Variants in SPATA16 observed in about 807,000 individuals in gnomAD.
SPATA16 encodes spermatogenesis associated 16, also known as spermatogenesis-associated protein 16.
Under a neutral mutation model 63.3 loss-of-function variants are expected in SPATA16, and 36 were observed. The ratio of observed to expected loss-of-function variants is 0.57; its 90% CI spans 0.44 to 0.75. SPATA16 has a LOEUF of 0.75. Among genes scored for constraint, SPATA16 ranks in the 30% least tolerant of loss-of-function variants. SPATA16 has a pLI of 0.00. For missense variants in SPATA16, 646 were observed against 679.3 expected (o/e 0.95, Z 0.54); for synonymous variants, 203 against 216.7 (o/e 0.94, Z 0.56).
At chr3:173,029,377 T>G (rs1169947447) in intron 3 of SPATA16, among the ~76,000 whole-genome samples, 1 of 151,930 alleles carries the variant, frequency 6.6e-6, no homozygotes, top group African/African-American at 2.4e-5. Flanking sequence ...AAGGACAGTT[T>G]ATTGTTCACA....
intron 2 of SPATA16, among the ~76,000 whole-genome samples, chr3:173,078,808 G>C (rs558303683): frequency 1.6e-3 from 239 of 152,094 alleles, no homozygotes; most frequent in African/African-American, 4.6e-3. Flanking sequence ...TTGATGCCAC[G>C]GCACTTTCTG....
chr3:173,056,844 T>A (rs1736242904), intron 2 of SPATA16, among the ~76,000 whole-genome samples: 1 of 152,036 alleles, frequency 6.6e-6, no homozygotes, highest in Non-Finnish European at 1.5e-5. Flanking sequence ...TAATGTTTTT[T>A]AAATGAAACC....
At chr3:173,077,688 C>T (rs1023679888) in intron 2 of SPATA16, among the ~76,000 whole-genome samples, 1 of 152,190 alleles carries the variant, frequency 6.6e-6, no homozygotes, top group Non-Finnish European at 1.5e-5. Flanking sequence ...CGATTACTTT[C>T]TCTCTCACCA....
chr3:172,985,208 G>C (rs1043935074), intron 4 of SPATA16, among the ~76,000 whole-genome samples: 1 of 152,122 alleles, frequency 6.6e-6, no homozygotes, highest in South Asian at 2.1e-4. Context: ...AATATGACAT[G>C]GTCAATTTTT....
rs141084832 is a variant in SPATA16 at position 172,979,383 on chromosome 3, G to A, written c.849-2331C>T. ...TGAGCAGAGTCCAGTAACTAAACTTGACAACTTGAAACATGCAAAAAATGT... is the reference window on the plus strand; with the variant it reads ...TGAGCAGAGTCCAGTAACTAAACTTAACAACTTGAAACATGCAAAAAATGT... On this transcript the variant is annotated intron_variant, in intron 4 of 10. Coordinates refer to ENST00000351008, the MANE Select transcript of SPATA16 (RefSeq NM_031955.6). Among the ~76,000 whole-genome samples the A allele has an allele frequency of 1.6e-3, 243 of 152,250 alleles. 1 individual carries two copies. Among genetic ancestry groups the A allele is most frequent in the Middle Eastern group, 0.014 (4 of 294 alleles).
intron 3 of SPATA16, among the ~76,000 whole-genome samples, chr3:173,044,452 C>G (rs1239758803): frequency 2.0e-5 from 3 of 152,074 alleles, no homozygotes; most frequent in Non-Finnish European, 4.4e-5. Flanking sequence ...TGGTTCTTCC[C>G]ATAGCTTCTG....
intron 2 of SPATA16, among the ~76,000 whole-genome samples, chr3:173,054,766 A>G (rs1055079496): frequency 6.6e-6 from 1 of 152,182 alleles, no homozygotes; most frequent in Admixed American, 6.5e-5. Context: ...AATAAAGAAA[A>G]GAGAAAGAAA....
intron 4 of SPATA16, among the ~76,000 whole-genome samples, chr3:173,007,168 G>A (rs1019398608): frequency 9.9e-5 from 15 of 152,228 alleles, no homozygotes; most frequent in African/African-American, 3.6e-4. Context: ...ACTAAGGAGG[G>A]CCAAGAGCTT....
chr3:172,947,040 G>C (rs910516236), intron 6 of SPATA16, among the ~76,000 whole-genome samples: 1 of 152,180 alleles, frequency 6.6e-6, no homozygotes, highest in African/African-American at 2.4e-5. Flanking sequence ...GAGAGAATTA[G>C]AGTCTCTACC....
chr3:172,927,343 C>A (rs986201915), intron 6 of SPATA16, among the ~76,000 whole-genome samples: 6 of 152,170 alleles, frequency 3.9e-5, no homozygotes, highest in Non-Finnish European at 7.3e-5. Flanking sequence ...CAGTGTATGT[C>A]TGTCAAATTG....
chr3:172,926,585 A>G (rs892331781), intron 6 of SPATA16, among the ~76,000 whole-genome samples: 4 of 152,236 alleles, frequency 2.6e-5, no homozygotes, highest in African/African-American at 4.8e-5. Flanking sequence ...GTCTGACTCC[A>G]GACACCACAG....
At chr3:173,136,068 A>G (rs939073607) in intron 1 of SPATA16, among the ~76,000 whole-genome samples, 3 of 152,214 alleles carry the variant, frequency 2.0e-5, no homozygotes, top group African/African-American at 7.2e-5. Flanking sequence ...GTCTAAGAAT[A>G]TAAGCAAGAA....
chr3:173,035,130 A>G (rs573161555), intron 3 of SPATA16, among the ~76,000 whole-genome samples: 14 of 152,278 alleles, frequency 9.2e-5, no homozygotes, highest in Non-Finnish European at 2.1e-4. Context: ...TGAAAATGCT[A>G]CATTGGATAC....
chr3:172,968,797 A>T (rs922366097), intron 5 of SPATA16, among the ~76,000 whole-genome samples: 1 of 152,238 alleles, frequency 6.6e-6, no homozygotes. Context: ...TCCTACTGGC[A>T]TACTACCTCA....
chr3:173,088,008 GTCTTTCTTTCTTTCTTTCTTTCTT>G (rs57997275), intron 2 of SPATA16, among the ~76,000 whole-genome samples: 1,295 of 90,892 alleles, frequency 0.014, 36 homozygotes, highest in Admixed American at 0.027. Context: ...TTTTCTTTCC[GTCTTTCTTTCTTTCTTTCTTTCTT>G]TCTTTCTTTC....
chr3:173,121,049 A>C (rs541554998), intron 1 of SPATA16, among the ~76,000 whole-genome samples: 2 of 152,234 alleles, frequency 1.3e-5, no homozygotes, highest in Non-Finnish European at 2.9e-5. Flanking sequence ...CCCAATATAT[A>C]TAAGAAACTA....
chr3:172,963,242 C>G (rs552170252), intron 5 of SPATA16, among the ~76,000 whole-genome samples: 19 of 152,174 alleles, frequency 1.2e-4, no homozygotes, highest in African/African-American at 4.6e-4. Flanking sequence ...TATTTGGCAG[C>G]TTTGCCATTA....
chr3:173,051,882 A>G (rs7614080), intron 2 of SPATA16, among the ~76,000 whole-genome samples: 38,558 of 150,428 alleles, frequency 0.26, 5,752 homozygotes, highest in African/African-American at 0.42. Flanking sequence ...CAGCATCTCG[A>G]CTCACTGCAG....
At chr3:172,956,899 C>T (rs1028117645) in intron 5 of SPATA16, 75 bp from the exon 6 acceptor site, 3 of 1,546,252 alleles carry the variant, frequency 1.9e-6, no homozygotes, top group African/African-American at 1.4e-5. Flanking sequence ...AATATAATTA[C>T]CTTTATGGAT....
Sources: gnomAD v4.1 joint callset for allele counts (sites outside exome capture counted in the v4.1 genomes callset) on GRCh38, gnomAD v4.1.1 for gene constraint, MANE v1.5 for transcripts, NCBI Gene and HGNC (gene_info 2026-07-23, HGNC 2026-07-21) for gene names.